The following OPHN1 variants were observed in gnomAD, a reference collection of about 807,000 sequenced individuals.
The protein encoded by OPHN1 is oligophrenin-1.
A neutral mutation model predicts 60.7 loss-of-function variants in OPHN1; 11 were observed. The observed-to-expected ratio is 0.18, with a 90% CI of 0.11 to 0.30. The LOEUF is 0.30. OPHN1 is among the 10% of genes least tolerant of loss of function. The pLI is 1.00. For synonymous variants in OPHN1, 226 were observed against 222.6 expected (o/e 1.02, Z -0.14); for missense variants, 449 against 611.0 (o/e 0.73, Z 2.80).
intron 10 of OPHN1, among the ~76,000 whole-genome samples, chrX:68,203,062 C>A (rs1243943490): frequency 9.1e-6 from 1 of 109,338 alleles, no homozygotes; most frequent in East Asian, 3.0e-4. Context: ...AGTTGGAGAC[C>A]AGCCTGGTCA....
chrX:68,350,328 T>C (rs1403626385), intron 2 of OPHN1, among the ~76,000 whole-genome samples: 1 of 111,330 alleles, frequency 9.0e-6, no homozygotes, highest in Non-Finnish European at 1.9e-5. Flanking sequence ...CATATTTACA[T>C]AGTAGGAAGA....
chrX:68,198,200 G>A (rs778243301), intron 11 of OPHN1, among the ~76,000 whole-genome samples: 5 of 111,589 alleles, frequency 4.5e-5, no homozygotes, highest in Non-Finnish European at 9.4e-5. Flanking sequence ...AGGTGAGTTA[G>A]TCATAAGGGT....
chrX:68,123,328 A>C (rs2077157455), intron 15 of OPHN1, among the ~76,000 whole-genome samples: 1 of 112,092 alleles, frequency 8.9e-6, no homozygotes, highest in African/African-American at 3.2e-5. Context: ...AGAGACGCTA[A>C]AGAGAGTACT....
intron 2 of OPHN1, among the ~76,000 whole-genome samples, chrX:68,314,320 G>A (rs1397245453): frequency 2.7e-5 from 3 of 110,308 alleles, no homozygotes; most frequent in Non-Finnish European, 3.8e-5. Context: ...TCAGGAGTTC[G>A]AGACCAGCCT....
chrX:68,347,119 T>C (rs2078382972), intron 2 of OPHN1, among the ~76,000 whole-genome samples: 1 of 111,401 alleles, frequency 9.0e-6, no homozygotes, highest in South Asian at 3.8e-4. Flanking sequence ...CCAGTGTCTT[T>C]TAGTATTGGA....
chrX:68,206,150 C>T (rs2077558710), intron 10 of OPHN1, among the ~76,000 whole-genome samples: 1 of 111,298 alleles, frequency 9.0e-6, no homozygotes, highest in South Asian at 3.7e-4. Flanking sequence ...TTGAGTAGTA[C>T]ATAGAATGTG....
At chrX:68,175,046 T>G (rs1227897891) in intron 15 of OPHN1, among the ~76,000 whole-genome samples, 1 of 108,318 alleles carries the variant, frequency 9.2e-6, no homozygotes, top group Non-Finnish European at 1.9e-5. Flanking sequence ...GTCGCACCAT[T>G]GCACTCCAGC....
Position 68,137,426 on chromosome X carries a change from C to G in OPHN1, c.1277-18094G>C, listed in dbSNP as rs1213150031. Among the ~76,000 whole-genome samples, 3 of 111,338 alleles carry G rather than the reference C, an allele frequency of 2.7e-5. No individual in the cohort carries two copies. The East Asian group carries it at 8.4e-4, about 31-fold the overall frequency. On this transcript the variant is annotated intron_variant, in intron 15 of 24. Coordinates refer to ENST00000355520, the MANE Select transcript of OPHN1 (RefSeq NM_002547.3). The stretch of plus-strand genomic sequence containing the variant: ...TATCTCGAAATCAAGTATTTCTGGC[C>G]CAACCTGACATTGATGGATAAAATA...
chrX:68,136,291 C>CTTTTT lies in OPHN1; in HGVS notation c.1277-16964_1277-16960dup, dbSNP rs779712280. Among the ~76,000 whole-genome samples, 219 of 64,050 alleles carry CTTTTT rather than the reference C, an allele frequency of 3.4e-3. 2 individuals are homozygous for CTTTTT. The highest frequency in any genetic ancestry group is 0.012 in the African/African-American group (168 of 14,128). 55.6% of individuals were successfully genotyped at this position (64,050 alleles called of 115,157 possible). A position where few individuals can be genotyped will look rare whatever the true frequency, so the allele number is the denominator to read the frequency against. On this transcript the variant is annotated intron_variant, in intron 15 of 24. Transcript: ENST00000355520. Reference sequence around the variant, plus strand: ...AGATACTAGTATCAAAATATCTTTTCTTTTTTTTTTTTTTTTTTTTTTTTG... The same window carrying CTTTTT: ...AGATACTAGTATCAAAATATCTTTTCTTTTTTTTTTTTTTTTTTTTTTTTTTTTTG...
chrX:68,199,082 A>G (rs991370966), intron 11 of OPHN1, among the ~76,000 whole-genome samples: 2 of 112,452 alleles, frequency 1.8e-5, no homozygotes, highest in African/African-American at 6.5e-5. Flanking sequence ...AGTGCCTGTC[A>G]CAAAGGAGGT....
intron 2 of OPHN1, among the ~76,000 whole-genome samples, chrX:68,396,282 T>C (rs1384372420): frequency 1.0e-5 from 1 of 95,977 alleles, no homozygotes; most frequent in Admixed American, 1.2e-4. Flanking sequence ...AAAAAAAAAA[T>C]AGCCTGGCAC....
intron 2 of OPHN1, among the ~76,000 whole-genome samples, chrX:68,411,984 T>C (rs1332608692): frequency 9.0e-6 from 1 of 111,163 alleles, no homozygotes; most frequent in African/African-American, 3.3e-5. Flanking sequence ...TGGTGGAAAA[T>C]CAGGTTATGG....
At chrX:68,343,288 G>A (rs866682873) in intron 2 of OPHN1, among the ~76,000 whole-genome samples, 4 of 98,181 alleles carry the variant, frequency 4.1e-5, no homozygotes, top group East Asian at 3.2e-4. Context: ...AAAAAAAAGC[G>A]GGGGGGGAGG....
At chrX:68,351,003 A>G (rs1304386478) in intron 2 of OPHN1, among the ~76,000 whole-genome samples, 2 of 111,545 alleles carry the variant, frequency 1.8e-5, no homozygotes, top group Non-Finnish European at 3.8e-5. Flanking sequence ...ATCTCAGCTC[A>G]CTGCAACTTC....
At chrX:68,411,467 T>C (rs372611733) in intron 2 of OPHN1, among the ~76,000 whole-genome samples, 1 of 112,282 alleles carries the variant, frequency 8.9e-6, no homozygotes, top group South Asian at 3.7e-4. Flanking sequence ...CCATTCTGAC[T>C]GGGGTGAAAT....
Position 68,274,661 on chromosome X carries a change from G to A in OPHN1, c.384+77C>T. ...CACCAGCAGATTGGTGCATATCTTT[G>A]TAAAGTGAAGAATAGTAGCCCATAC... On this transcript the variant is annotated intron_variant, in intron 5 of 24. Transcript: ENST00000355520. The A allele has an allele frequency of 4.2e-6, 3 of 706,910 alleles. No individual in the cohort carries two copies. In the South Asian group the frequency reaches 6.6e-5, roughly 16 times the overall value. 58.3% of individuals were successfully genotyped at this position (706,910 alleles called of 1,213,427 possible). A position where few individuals can be genotyped will look rare whatever the true frequency, so the allele number is the denominator to read the frequency against.
chrX:68,283,557 TA>T (rs1232134890), intron 3 of OPHN1, among the ~76,000 whole-genome samples: 1 of 111,526 alleles, frequency 9.0e-6, no homozygotes, highest in Non-Finnish European at 1.9e-5. Context: ...AAGTAAATAA[TA>T]AACATTACCC....
intron 2 of OPHN1, among the ~76,000 whole-genome samples, chrX:68,389,033 C>T (rs1366113171): frequency 9.3e-6 from 1 of 107,872 alleles, no homozygotes; most frequent in East Asian, 3.0e-4. Context: ...TGGCTCACTG[C>T]CACCTTGACC....
chrX:68,198,954 C>T (rs1028096005), intron 11 of OPHN1, among the ~76,000 whole-genome samples: 2 of 111,627 alleles, frequency 1.8e-5, no homozygotes, highest in Non-Finnish European at 3.8e-5. Context: ...TGAATGGGGT[C>T]ATCCATTGTT....
Sources: allele counts gnomAD v4.1 joint callset (sites outside exome capture counted in the v4.1 genomes callset), GRCh38; gene constraint gnomAD v4.1.1; transcripts MANE v1.5; gene names NCBI Gene and HGNC (gene_info 2026-07-23, HGNC 2026-07-21).